Variants in SLC5A6 observed in about 807,000 individuals in gnomAD.
SLC5A6 encodes the protein solute carrier family 5 member 6, also known as sodium-dependent multivitamin transporter.
Under a neutral mutation model 67.9 loss-of-function variants are expected in SLC5A6, and 31 were observed. The observed-to-expected ratio is 0.46, with a 90% CI of 0.34 to 0.62. The LOEUF (loss-of-function observed/expected upper bound fraction) is 0.62, where lower values mean the gene tolerates loss of function less well. Ranked by LOEUF, SLC5A6 falls within the 20% of genes least tolerant of loss-of-function variation. The pLI, the probability that SLC5A6 is intolerant of heterozygous loss-of-function variation, is 0.01. For synonymous variants in SLC5A6, 343 were observed against 331.0 expected, an observed-to-expected ratio of 1.04 and a Z score of -0.39; for missense variants, 673 against 812.8, an observed-to-expected ratio of 0.83 and a Z score of 2.09.
intron 2 of SLC5A6, among the ~76,000 whole-genome samples, chr2:27,210,390 A>C (rs1331998765): frequency 4.6e-5 from 7 of 152,070 alleles, no homozygotes; most frequent in African/African-American, 9.7e-5. Context: ...GTTTCACTAC[A>C]ACTATAACAT....
chr2:27,206,061 C>A lies in SLC5A6; in HGVS notation c.544G>T (p.Ala182Ser), dbSNP rs1397427492. 1 of 1,614,042 alleles carries A rather than the reference C, an allele frequency of 6.2e-7. No homozygotes were observed. Among genetic ancestry groups the A allele is most frequent in the African/African-American group, 1.3e-5 (1 of 74,916 alleles). Residue 182 changes from alanine to serine, a missense_variant, in exon 6 of 17, where the codon GCC becomes TCC. Physicochemically the swap from Ala to Ser is moderately conservative, Grantham distance 99 (BLOSUM62 1). Coordinates refer to ENST00000310574, the MANE Select transcript of SLC5A6 (RefSeq NM_021095.4). ...TAGACGGTACAGACAATGCCCAGGG[C>A]CAGCACGGACAGCCACAGATCAAAG... ...TGFDLWLSVLALGIVCTVYTA... is the reference protein window; with the variant it reads ...TGFDLWLSVLSLGIVCTVYTA...
chr2:27,208,575 A>G (rs2148019752), intron 2 of SLC5A6: 1 of 153,056 alleles, frequency 6.5e-6, no homozygotes, highest in Non-Finnish European at 1.5e-5. Flanking sequence ...GGGACCAGCC[A>G]AAGAGAGTGG....
In SLC5A6 at chr2:27,203,823, G is replaced by T; in HGVS notation, c.1050C>A (p.Gly350=). The part of the protein sequence containing the change: ...FVMDLLKGLP[G]LPGLFIACLF... ...GGCAGGCAATGAAGAGCCCTGGCAG[G>T]CCTGGCAGGCCCTTCAGGAGATCCA... Residue 350 remains glycine, a synonymous_variant, in exon 10 of 17, where the codon GGC becomes GGA. Coordinates refer to ENST00000310574, the MANE Select transcript of SLC5A6 (RefSeq NM_021095.4). The T allele has an allele frequency of 6.2e-7, 1 of 1,614,048 alleles. No individual in the cohort carries two copies. Among genetic ancestry groups the T allele is most frequent in the Non-Finnish European group, 8.5e-7 (1 of 1,179,932 alleles).
chr2:27,203,743 T>C (rs1572387606), intron 10 of SLC5A6, 36 bp downstream of exon 10: 1 of 1,499,984 alleles, frequency 6.7e-7, no homozygotes, highest in Non-Finnish European at 9.3e-7. Context: ...AGGGGTCAGG[T>C]GCACCAGGCC....
At chr2:27,200,672 G>A (rs867248990) in intron 16 of SLC5A6, 93 bp from the exon 17 acceptor site, 2 of 1,342,576 alleles carry the variant, frequency 1.5e-6, no homozygotes, top group Middle Eastern at 1.9e-4. Flanking sequence ...CCAGAAGGGA[G>A]CCCAGCAAGG....
chr2:27,206,466 G>A lies in SLC5A6; in HGVS notation c.511+17C>T, dbSNP rs953679232. The A allele has an allele frequency of 3.1e-6, 5 of 1,612,836 alleles. No homozygotes were observed. In the African/African-American group the frequency reaches 4.0e-5, roughly 13 times the overall value. ...AACCTACCACGGCTGAAAGCCAGGG[G>A]CTGTGTGACTCCTCACCTGCATTGA... On this transcript the variant is annotated intron_variant, in intron 5 of 16. Coordinates refer to ENST00000310574, the MANE Select transcript of SLC5A6 (RefSeq NM_021095.4).
At chr2:27,205,625 C>T in intron 6 of SLC5A6, 121 bp from the exon 7 acceptor site, 1 of 1,234,518 alleles carries the variant, frequency 8.1e-7, no homozygotes, top group Non-Finnish European at 1.2e-6. Context: ...TTTTTGCAGC[C>T]TGAAGCCAGT....
chr2:27,211,365 C>G (rs540766934), intron 2 of SLC5A6, 102 bp downstream of exon 2: 1 of 152,420 alleles, frequency 6.6e-6, no homozygotes, highest in Non-Finnish European at 1.5e-5. Flanking sequence ...AAGGAGCTTT[C>G]TGGCTGGCCC....
chr2:27,204,364 G>C (rs1673888319), intron 9 of SLC5A6, 97 bp downstream of exon 9: 2 of 1,382,866 alleles, frequency 1.4e-6, no homozygotes, highest in East Asian at 2.3e-5. Flanking sequence ...CTCCCACCCA[G>C]GGTGGGAGTC....
intron 16 of SLC5A6, 152 bp downstream of exon 16, chr2:27,200,846 C>G (rs1673569212): frequency 3.2e-6 from 2 of 632,544 alleles, no homozygotes; most frequent in African/African-American, 3.7e-5. Flanking sequence ...GTGGGTAGAA[C>G]CTGAGACAGC....
chr2:27,205,624 C>T, intron 6 of SLC5A6, 120 bp from the exon 7 acceptor site: 1 of 1,245,368 alleles, frequency 8.0e-7, no homozygotes, highest in Non-Finnish European at 1.2e-6. Flanking sequence ...CTTTTTGCAG[C>T]CTGAAGCCAG....
intron 2 of SLC5A6, among the ~76,000 whole-genome samples, chr2:27,209,367 G>C (rs1436091204): frequency 6.6e-6 from 1 of 152,218 alleles, no homozygotes; most frequent in Non-Finnish European, 1.5e-5. Context: ...ATGTAACCCA[G>C]CAGTGTGTGA....
chr2:27,200,665 G>A (rs1673550177), intron 16 of SLC5A6, 86 bp from the exon 17 acceptor site: 1 of 1,415,260 alleles, frequency 7.1e-7, no homozygotes, highest in African/African-American at 1.4e-5. Flanking sequence ...GTCCCCGCCA[G>A]AAGGGAGCCC....
chr2:27,212,410 C>T (rs1361737013), upstream of SLC5A6: 3 of 1,552,846 alleles, frequency 1.9e-6, no homozygotes, highest in South Asian at 1.2e-5. Flanking sequence ...CCCTGGTGCC[C>T]TGGGCTGCCG....
rs1244820542 is a variant in SLC5A6, at chr2:27,202,826, C to T, written c.1262G>A (p.Gly421Glu). 4 of 1,613,742 alleles carry T rather than the reference C, an allele frequency of 2.5e-6. No individual in the cohort carries two copies. Among genetic ancestry groups the T allele is most frequent in the Non-Finnish European group, 2.5e-6 (3 of 1,179,824 alleles). The change falls in exon 12 of 17, where the codon GGA becomes GAA. Residue 421 changes from glycine to glutamate, a missense_variant. By Grantham distance (98) the Gly-to-Glu change is moderately conservative. Transcript: ENST00000310574. ...LGMAYISSQMGPVLQAAISIF... is the reference protein window; with the variant it reads ...LGMAYISSQMEPVLQAAISIF... ...TATAGTTATTACCTGCAGCACAGGTCCCATCTGGGAGGAAATATAGGCCAT... is the reference window on the plus strand; with the variant it reads ...TATAGTTATTACCTGCAGCACAGGTTCCATCTGGGAGGAAATATAGGCCAT...
chr2:27,205,908 G>T, intron 6 of SLC5A6, 118 bp downstream of exon 6: 1 of 776,784 alleles, frequency 1.3e-6, no homozygotes, highest in Non-Finnish European at 2.2e-6. Flanking sequence ...TACCACCCCA[G>T]AATTTCACCT....
chr2:27,201,992 G>C lies in SLC5A6; in HGVS notation c.1358C>G (p.Pro453Arg). The change falls in exon 13 of 17, where the codon CCT (proline) becomes CGT (arginine). Residue 453 changes from proline to arginine, a missense_variant. By Grantham distance (103) the Pro-to-Arg change is moderately radical. Transcript: ENST00000310574. ...CLGMFFPCAN[P>R]PGAVVGLLAG... ...GGATCCAGATGCATCACTCACAGGA[G>C]GGTTAGCACATGGAAAGAACATTCC... is the stretch of plus-strand genomic sequence containing the variant. 6.8e-6 allele frequency: 11 copies of C among 1,613,666 alleles called. No homozygotes were observed. Among genetic ancestry groups the C allele is most frequent in the Non-Finnish European group, 9.3e-6 (11 of 1,179,554 alleles).
rs934267308 is a variant in SLC5A6, at chr2:27,202,797, C to T, written c.1275+16G>A. On this transcript the variant is annotated intron_variant, in intron 12 of 16. Transcript: ENST00000310574. Reference sequence around the variant, plus strand: ...TCTCTCCCTTAAAATTGCTTCCTACCCTCTATAGTTATTACCTGCAGCACA... The same window carrying T: ...TCTCTCCCTTAAAATTGCTTCCTACTCTCTATAGTTATTACCTGCAGCACA... The T allele has an allele frequency of 6.2e-7, 1 of 1,609,826 alleles. No individual in the cohort carries two copies. Among genetic ancestry groups the T allele is most frequent in the Non-Finnish European group, 8.5e-7 (1 of 1,176,354 alleles).
chr2:27,212,407 G>C, upstream of SLC5A6: 1 of 1,552,122 alleles, frequency 6.4e-7, no homozygotes. Context: ...CGACCCTGGT[G>C]CCCTGGGCTG....
Sources: gnomAD v4.1 joint callset for allele counts (sites outside exome capture counted in the v4.1 genomes callset) on GRCh38, gnomAD v4.1.1 for gene constraint, MANE v1.5 for transcripts, NCBI Gene and HGNC (gene_info 2026-07-23, HGNC 2026-07-21) for gene names.